The following TEFM variants were observed in gnomAD, a reference collection of about 807,000 sequenced individuals.
TEFM encodes the protein transcription elongation factor of mitochondria.
In TEFM, 14 loss-of-function variants were observed where a neutral mutation model predicts 23.0. That is an observed-to-expected ratio of 0.61 (90% CI 0.40 to 0.95). The LOEUF (loss-of-function observed/expected upper bound fraction) is 0.95, where lower values mean the gene tolerates loss of function less well. Ranked by LOEUF, TEFM falls within the 40% of genes least tolerant of loss-of-function variation. The probability of loss-of-function intolerance (pLI) is 0.00; values close to 1 mark genes in which losing one functional copy is unlikely to be tolerated. For synonymous variants in TEFM, 155 were observed against 158.3 expected (o/e 0.98, Z 0.16); for missense variants, 386 against 425.5 (o/e 0.91, Z 0.82).
intron 2 of TEFM, among the ~76,000 whole-genome samples, chr17:30,901,343 GCAGT>G (rs1910042997): frequency 6.6e-6 from 1 of 152,178 alleles, no homozygotes; most frequent in East Asian, 1.9e-4. Flanking sequence ...GTAACCAGCA[GCAGT>G]CAGTTTATAG....
chr17:30,905,536 A>AAAAG (rs1910151199), intron 1 of TEFM, among the ~76,000 whole-genome samples: 1 of 151,586 alleles, frequency 6.6e-6, no homozygotes, highest in Non-Finnish European at 1.5e-5. Flanking sequence ...AAAAAAAAAA[A>AAAAG]GGGTTTTGTC....
intron 2 of TEFM, among the ~76,000 whole-genome samples, chr17:30,901,019 A>G (rs1910036617): frequency 6.6e-6 from 1 of 151,204 alleles, no homozygotes; most frequent in Non-Finnish European, 1.5e-5. Flanking sequence ...AAAGAAATGC[A>G]GGAGTAATTA....
At chr17:30,904,827 T>C (rs957268456) in intron 1 of TEFM, among the ~76,000 whole-genome samples, 4 of 151,770 alleles carry the variant, frequency 2.6e-5, no homozygotes, top group African/African-American at 7.3e-5. Flanking sequence ...TACAGGCGCC[T>C]GCCACCACGC....
At chr17:30,900,159 G>A in intron 3 of TEFM, 1 of 447,202 alleles carries the variant, frequency 2.2e-6, no homozygotes, top group Non-Finnish European at 3.9e-6. Context: ...GAGTGATAAT[G>A]TTCTATAACA....
chr17:30,905,385 T>C (rs980217522), intron 1 of TEFM, among the ~76,000 whole-genome samples: 1 of 152,058 alleles, frequency 6.6e-6, no homozygotes, highest in African/African-American at 2.4e-5. Flanking sequence ...CCGGGCGTGG[T>C]GGCACATGCC....
chr17:30,901,242 A>G (rs569150491), intron 2 of TEFM, among the ~76,000 whole-genome samples: 5 of 152,066 alleles, frequency 3.3e-5, no homozygotes, highest in African/African-American at 1.2e-4. Context: ...GCTGGTCTTG[A>G]GCTCCTGACC....
Position 30,899,435 on chromosome 17 carries a change from C to T in TEFM, c.817G>A (p.Val273Met), listed in dbSNP as rs941738946. The change falls in exon 4 of 4, where the codon GTG (valine) becomes ATG (methionine). Residue 273 changes from valine to methionine, a missense_variant. Val to Met is a conservative substitution (Grantham distance 21). Coordinates refer to ENST00000581216, the MANE Select transcript of TEFM (RefSeq NM_024683.4). The stretch of plus-strand genomic sequence containing the variant: ...ACTGCATTTCGATTCATGCTCAGCA[C>T]CTGATGCTGCCCATCCTGGGCAAAA... ...KTFAQDGQHQVLSMNRNAVGK... is the reference protein window; with the variant it reads ...KTFAQDGQHQMLSMNRNAVGK... 1 of 1,614,170 alleles carries T rather than the reference C, an allele frequency of 6.2e-7. No individual in the cohort carries two copies. Among genetic ancestry groups the T allele is most frequent in the Non-Finnish European group, 8.5e-7 (1 of 1,180,012 alleles).
At chr17:30,904,678 C>CAT in intron 1 of TEFM, 149 bp from the exon 2 acceptor site, 1 of 558,506 alleles carries the variant, frequency 1.8e-6, no homozygotes, top group Non-Finnish European at 3.0e-6. Context: ...CTTGGAGAAT[C>CAT]ATCTTTTTTT....
At chr17:30,899,945 C>G (rs1449360809) in intron 3 of TEFM, 3 of 241,554 alleles carry the variant, frequency 1.2e-5, no homozygotes, top group Non-Finnish European at 2.4e-5. Context: ...ATAGAGCATA[C>G]GGTTAGAATA....
intron 2 of TEFM, among the ~76,000 whole-genome samples, chr17:30,902,512 G>A (rs1910065767): frequency 6.6e-6 from 1 of 152,056 alleles, no homozygotes; most frequent in Non-Finnish European, 1.5e-5. Context: ...CTCTAATCTG[G>A]GTATAAATAG....
chr17:30,901,489 CTA>C (rs1910045701), intron 2 of TEFM, among the ~76,000 whole-genome samples: 1 of 152,070 alleles, frequency 6.6e-6, no homozygotes, highest in Admixed American at 6.6e-5. Flanking sequence ...CACCATAAAA[CTA>C]TTGTAGAGAG....
At chr17:30,905,855 C>T (rs1910159124) in intron 1 of TEFM, among the ~76,000 whole-genome samples, 1 of 152,122 alleles carries the variant, frequency 6.6e-6, no homozygotes, top group Non-Finnish European at 1.5e-5. Context: ...ACCCGTGGAC[C>T]CTGAGGCCGG....
At position 30,904,229 on chromosome 17, in the gene TEFM, T is replaced by A; in HGVS notation, c.332A>T (p.Asn111Ile). ...EHRENFGPFQNLESLMNVPLF... is the reference protein window; with the variant it reads ...EHRENFGPFQILESLMNVPLF... Reference sequence around the variant, plus strand: ...GGGCACATTCATTAAACTCTCTAAATTCTGAAATGGCCCAAAGTTTTCTCT... The same window carrying A: ...GGGCACATTCATTAAACTCTCTAAAATCTGAAATGGCCCAAAGTTTTCTCT... The change falls in exon 2 of 4, where the codon AAT (asparagine) becomes ATT (isoleucine). Residue 111 changes from asparagine (N) to isoleucine (I), a missense_variant. Asn to Ile is a moderately radical substitution (Grantham distance 149, BLOSUM62 -3). Transcript: ENST00000581216. 6.2e-7 allele frequency: 1 copy of A among 1,614,142 alleles called. No homozygotes were observed. Among genetic ancestry groups the A allele is most frequent in the Non-Finnish European group, 8.5e-7 (1 of 1,180,020 alleles).
At chr17:30,903,489 T>G (rs1440307170) in intron 2 of TEFM, among the ~76,000 whole-genome samples, 1 of 148,950 alleles carries the variant, frequency 6.7e-6, no homozygotes, top group South Asian at 2.1e-4. Context: ...CCTCCCAAAG[T>G]GCTGGGATTA....
chr17:30,904,102 C>A lies in TEFM; in HGVS notation c.459G>T (p.Lys153Asn). The A allele has an allele frequency of 1.2e-6, 2 of 1,613,930 alleles. No homozygotes were observed. Among genetic ancestry groups the A allele is most frequent in the Non-Finnish European group, 1.7e-6 (2 of 1,179,916 alleles). ...RKSPENRFLR[K>N]LLKPDIERER... ...CTCTTTCTATGTCTGGTTTGAGGAG[C>A]TTTCTCAGGAACCGGTTTTCCGGTG... Residue 153 changes from lysine (K) to asparagine (N), a missense_variant, in exon 2 of 4, where the codon AAG (lysine) becomes AAT (asparagine). Lys to Asn is a moderately conservative substitution (Grantham distance 94). Transcript: ENST00000581216.
chr17:30,902,654 T>G (rs1386577623), intron 2 of TEFM, among the ~76,000 whole-genome samples: 13 of 152,178 alleles, frequency 8.5e-5, no homozygotes, highest in Admixed American at 8.5e-4. Flanking sequence ...TGAAACTGTG[T>G]AGTATTCTGT....
intron 2 of TEFM, 139 bp from the exon 3 acceptor site, chr17:30,900,701 A>C: frequency 1.4e-6 from 1 of 705,754 alleles, no homozygotes; most frequent in Admixed American, 3.0e-5. Flanking sequence ...TTCTGGGTTC[A>C]TGCCATTCTC....
intron 2 of TEFM, among the ~76,000 whole-genome samples, chr17:30,901,614 T>C (rs962935593): frequency 1.3e-5 from 2 of 152,118 alleles, no homozygotes; most frequent in African/African-American, 2.4e-5. Flanking sequence ...ACTCTGGCAG[T>C]AGAATAAAGA....
rs530095168 is a variant in TEFM, at chr17:30,904,823, C to T, written c.32-294G>A. ...CCTCCCAGGTGGCTGGGACTACAGGCGCCTGCCACCACGCCCGGCTAATTT... is the reference window on the plus strand; with the variant it reads ...CCTCCCAGGTGGCTGGGACTACAGGTGCCTGCCACCACGCCCGGCTAATTT... On this transcript the variant is annotated intron_variant, in intron 1 of 3. Coordinates refer to ENST00000581216, the MANE Select transcript of TEFM (RefSeq NM_024683.4). Among the ~76,000 whole-genome samples the T allele has an allele frequency of 1.6e-3, 244 of 151,946 alleles. 1 individual carries two copies. The highest frequency in any genetic ancestry group is 5.5e-3 in the African/African-American group (230 of 41,448).
Sources: allele counts gnomAD v4.1 joint callset (sites outside exome capture counted in the v4.1 genomes callset), GRCh38; gene constraint gnomAD v4.1.1; transcripts MANE v1.5; gene names NCBI Gene and HGNC (gene_info 2026-07-23, HGNC 2026-07-21).